The following POU6F2 variants were observed in gnomAD, a reference collection of about 807,000 sequenced individuals.
The protein encoded by POU6F2 is POU class 6 homeobox 2, also known as POU domain, class 6, transcription factor 2.
A neutral mutation model predicts 71.3 loss-of-function variants in POU6F2; 31 were observed. The observed-to-expected ratio is 0.43, with a 90% confidence interval of 0.33 to 0.59. POU6F2 has a LOEUF of 0.59. POU6F2 is among the 20% of genes least tolerant of loss of function. The pLI, the probability that POU6F2 is intolerant of heterozygous loss-of-function variation, is 0.04. For missense variants in POU6F2, 783 were observed against 856.8 expected (o/e 0.91, Z 1.07); for synonymous variants, 347 against 355.7 (o/e 0.98, Z 0.27).
At chr7:39,227,618 G>T (rs187630040) in intron 4 of POU6F2, among the ~76,000 whole-genome samples, 4 of 147,674 alleles carry the variant, frequency 2.7e-5, no homozygotes, top group Non-Finnish European at 5.9e-5. Context: ...GCAGTGGCGC[G>T]ATCTCAGCTC....
At chr7:39,453,864 A>G (rs1788720273) in intron 8 of POU6F2, among the ~76,000 whole-genome samples, 1 of 152,302 alleles carries the variant, frequency 6.6e-6, no homozygotes, top group Admixed American at 6.5e-5. Flanking sequence ...CTTCAAACCC[A>G]TATGCAGAGA....
chr7:39,041,975 A>G (rs1219266116), intron 1 of POU6F2, among the ~76,000 whole-genome samples: 1 of 151,976 alleles, frequency 6.6e-6, no homozygotes, highest in Non-Finnish European at 1.5e-5. Flanking sequence ...CTGGATTTAC[A>G]AACGTTATGG....
At chr7:39,006,065 G>A (rs897820587) in intron 1 of POU6F2, among the ~76,000 whole-genome samples, 9 of 152,142 alleles carry the variant, frequency 5.9e-5, no homozygotes, top group African/African-American at 2.2e-4. Flanking sequence ...TGTGGTATTG[G>A]GGGGACATGA....
At chr7:39,091,832 G>A (rs777115373) in intron 2 of POU6F2, among the ~76,000 whole-genome samples, 2 of 152,196 alleles carry the variant, frequency 1.3e-5, no homozygotes, top group African/African-American at 2.4e-5. Flanking sequence ...TCACTTGACC[G>A]TTTCAAGTGG....
At chr7:39,388,581 G>T (rs1786996765) in intron 5 of POU6F2, among the ~76,000 whole-genome samples, 1 of 152,168 alleles carries the variant, frequency 6.6e-6, no homozygotes, top group Non-Finnish European at 1.5e-5. Context: ...CTCCCAAAGT[G>T]CTGGGATTAC....
chr7:39,365,087 A>G (rs1786471306), intron 5 of POU6F2, among the ~76,000 whole-genome samples: 1 of 152,164 alleles, frequency 6.6e-6, no homozygotes, highest in African/African-American at 2.4e-5. Flanking sequence ...TTGTCTATTC[A>G]TGCCCTTAGC....
At chr7:39,348,889 A>G (rs1786081848) in intron 5 of POU6F2, among the ~76,000 whole-genome samples, 1 of 152,364 alleles carries the variant, frequency 6.6e-6, no homozygotes, top group East Asian at 1.9e-4. Flanking sequence ...GACATCCTGC[A>G]GTAGAGATGT....
intron 2 of POU6F2, among the ~76,000 whole-genome samples, chr7:39,123,616 G>A (rs1792087877): frequency 6.6e-6 from 1 of 152,102 alleles, no homozygotes; most frequent in Non-Finnish European, 1.5e-5. Flanking sequence ...GTCCTTTATG[G>A]CTTGGCCAGG....
chr7:39,076,488 A>G (rs556133886), intron 1 of POU6F2, among the ~76,000 whole-genome samples: 2 of 152,352 alleles, frequency 1.3e-5, no homozygotes, highest in African/African-American at 4.8e-5. Context: ...CACGTCCTGC[A>G]CATGTATCCT....
intron 4 of POU6F2, among the ~76,000 whole-genome samples, chr7:39,221,873 T>C (rs2128748550): frequency 6.6e-6 from 1 of 152,298 alleles, no homozygotes; most frequent in East Asian, 1.9e-4. Flanking sequence ...ATTATAGTTG[T>C]CTTTATGGTT....
intron 2 of POU6F2, among the ~76,000 whole-genome samples, chr7:39,186,659 A>G (rs1793545925): frequency 6.6e-6 from 1 of 152,128 alleles, no homozygotes; most frequent in Non-Finnish European, 1.5e-5. Context: ...TTCTTCTTCC[A>G]CTACCGCTCA....
intron 1 of POU6F2, among the ~76,000 whole-genome samples, chr7:39,039,139 G>T (rs1369065659): frequency 6.6e-6 from 1 of 151,954 alleles, no homozygotes; most frequent in South Asian, 2.1e-4. Context: ...CTACTAATTT[G>T]TAGTTTATTG....
intron 2 of POU6F2, among the ~76,000 whole-genome samples, chr7:39,097,673 G>T (rs62442207): frequency 0.11 from 16,891 of 152,204 alleles, 1,020 homozygotes; most frequent in Middle Eastern, 0.15. Context: ...TGTTTGTTGA[G>T]CACCTGCTCT....
At chr7:39,209,635 A>C (rs762037593) in intron 4 of POU6F2, among the ~76,000 whole-genome samples, 3 of 152,234 alleles carry the variant, frequency 2.0e-5, no homozygotes, top group Non-Finnish European at 4.4e-5. Context: ...GGAAAGTCTC[A>C]TGCCTCAAAA....
chr7:39,003,923 GAA>G (rs1554305955), intron 1 of POU6F2, among the ~76,000 whole-genome samples: 1 of 151,792 alleles, frequency 6.6e-6, no homozygotes. Context: ...TAAAAGTGTA[GAA>G]AAAAAGACCA....
At chr7:39,376,101 A>G (rs1219868197) in intron 5 of POU6F2, among the ~76,000 whole-genome samples, 1 of 152,162 alleles carries the variant, frequency 6.6e-6, no homozygotes, top group African/African-American at 2.4e-5. Context: ...CACTTAGCAC[A>G]ATGCTGTTGG....
intron 2 of POU6F2, among the ~76,000 whole-genome samples, chr7:39,130,117 AC>A (rs1792235009): frequency 6.7e-6 from 1 of 149,550 alleles, no homozygotes; most frequent in South Asian, 2.1e-4. Context: ...TAAGTAAAAT[AC>A]CATTTTTTTT....
Position 39,122,452 on chromosome 7 carries a change from T to A in POU6F2, c.277+36421T>A, listed in dbSNP as rs533233800. On this transcript the variant is annotated intron_variant, in intron 2 of 9. Transcript: ENST00000518318. ...ATGTTCATAGGCCACCGGTGCCAAG[T>A]AGTGTGTAAAGTATTTAGCACACAG... Among the ~76,000 whole-genome samples the A allele has an allele frequency of 1.8e-4, 27 of 152,326 alleles. No individual in the cohort carries two copies. The South Asian group carries it at 5.6e-3, about 32-fold the overall frequency.
chr7:39,297,701 A>C (rs1175974934), intron 4 of POU6F2, among the ~76,000 whole-genome samples: 1 of 152,154 alleles, frequency 6.6e-6, no homozygotes. Context: ...AGTGTAGTCA[A>C]ATTAAACTAT....
Sources: allele counts gnomAD v4.1 joint callset (sites outside exome capture counted in the v4.1 genomes callset), GRCh38; gene constraint gnomAD v4.1.1; transcripts MANE v1.5; gene names NCBI Gene and HGNC (gene_info 2026-07-23, HGNC 2026-07-21).